The following NKAIN3 variants were observed in gnomAD, a reference collection of about 807,000 sequenced individuals.
The protein encoded by NKAIN3 is sodium/potassium transporting ATPase interacting 3.
In NKAIN3, 25 loss-of-function variants were observed where a neutral mutation model predicts 30.2. The observed-to-expected ratio is 0.83, with a 90% confidence interval of 0.60 to 1.16. The LOEUF (loss-of-function observed/expected upper bound fraction) is 1.16, where lower values mean the gene tolerates loss of function less well. NKAIN3 is among the 50% of genes most tolerant of loss of function. The pLI is 0.00. For synonymous variants in NKAIN3, 91 were observed against 89.6 expected (o/e 1.02, Z -0.09); for missense variants, 225 against 254.1 (o/e 0.89, Z 0.78).
intron 4 of NKAIN3, among the ~76,000 whole-genome samples, chr8:62,793,229 A>G (rs1193978136): frequency 6.6e-6 from 1 of 152,000 alleles, no homozygotes; most frequent in East Asian, 1.9e-4. Flanking sequence ...AAGTCCAAGA[A>G]CAAGAGTTGG....
At chr8:62,375,371 T>A (rs1393424433) in intron 1 of NKAIN3, among the ~76,000 whole-genome samples, 1 of 152,276 alleles carries the variant, frequency 6.6e-6, no homozygotes, top group East Asian at 1.9e-4. Context: ...TGAAACCCAC[T>A]GATAGCACAC....
At chr8:62,582,582 C>A (rs762731516) in intron 2 of NKAIN3, among the ~76,000 whole-genome samples, 1 of 151,900 alleles carries the variant, frequency 6.6e-6, no homozygotes, top group Non-Finnish European at 1.5e-5. Flanking sequence ...AGTGAGTCCA[C>A]AAGGGAACAA....
At chr8:62,676,354 G>GT (rs1813474145) in intron 3 of NKAIN3, among the ~76,000 whole-genome samples, 2 of 152,196 alleles carry the variant, frequency 1.3e-5, no homozygotes, top group Admixed American at 6.5e-5. Flanking sequence ...GGATCACGAG[G>GT]TTAGGAGGTC....
At chr8:62,713,623 T>C (rs571635521) in intron 3 of NKAIN3, among the ~76,000 whole-genome samples, 6 of 152,338 alleles carry the variant, frequency 3.9e-5, no homozygotes, top group Admixed American at 1.3e-4. Flanking sequence ...TATTATAAAC[T>C]GGACATCATT....
chr8:62,630,991 C>T (rs1339393389), intron 3 of NKAIN3, among the ~76,000 whole-genome samples: 5 of 152,090 alleles, frequency 3.3e-5, no homozygotes, highest in African/African-American at 4.8e-5. Flanking sequence ...AAGAGAAATA[C>T]GTTTTTACTG....
rs558885763 is a variant in NKAIN3, at chr8:62,688,051, C to T, written c.274-58881C>T. Reference sequence around the variant, plus strand: ...AGTTGGGAGGAACATTAGAAGTTTCCAAATTCAACCTCTTTTCCTATCTTC... The same window carrying T: ...AGTTGGGAGGAACATTAGAAGTTTCTAAATTCAACCTCTTTTCCTATCTTC... On this transcript the variant is annotated intron_variant, in intron 3 of 6. Coordinates refer to ENST00000623646, the MANE Select transcript of NKAIN3 (RefSeq NM_001304533.3). Among the ~76,000 whole-genome samples the T allele has an allele frequency of 3.3e-5, 5 of 152,316 alleles. No individual in the cohort carries two copies. The South Asian group carries it at 1.0e-3, about 32-fold the overall frequency.
At chr8:62,308,888 G>A (rs563200628) in intron 1 of NKAIN3, among the ~76,000 whole-genome samples, 24 of 149,986 alleles carry the variant, frequency 1.6e-4, no homozygotes, top group Non-Finnish European at 2.9e-4. Flanking sequence ...ATTGACCAAC[G>A]GGAGATCTAC....
intron 4 of NKAIN3, among the ~76,000 whole-genome samples, chr8:62,835,649 TA>T: frequency 6.6e-6 from 1 of 152,250 alleles, no homozygotes; most frequent in East Asian, 1.9e-4. Context: ...AGATACATCC[TA>T]CCCTAGTCGC....
chr8:62,409,219 T>C (rs1281289671), intron 1 of NKAIN3, among the ~76,000 whole-genome samples: 2 of 152,156 alleles, frequency 1.3e-5, no homozygotes, highest in Non-Finnish European at 2.9e-5. Context: ...AGTTTCGCTC[T>C]TGTTGCCCAG....
At chr8:62,590,299 G>A (rs559240248) in intron 3 of NKAIN3, among the ~76,000 whole-genome samples, 2 of 151,780 alleles carry the variant, frequency 1.3e-5, no homozygotes, top group Non-Finnish European at 2.9e-5. Flanking sequence ...ATGCATCAGC[G>A]TGGTGATTCC....
At chr8:62,289,958 AT>A (rs1472135357) in intron 1 of NKAIN3, among the ~76,000 whole-genome samples, 13 of 152,124 alleles carry the variant, frequency 8.5e-5, no homozygotes, top group African/African-American at 2.9e-4. Context: ...GGTCCTTCAC[AT>A]CCCTTGTAAG....
Position 62,972,925 on chromosome 8 carries a change from G to A in NKAIN3, c.*7518G>A, listed in dbSNP as rs1265484309. Among the ~76,000 whole-genome samples, 1 of 144,988 alleles carries A rather than the reference G, an allele frequency of 6.9e-6. No individual in the cohort carries two copies. Among genetic ancestry groups the A allele is most frequent in the East Asian group, 2.0e-4 (1 of 5,058 alleles). ...CCACTTAAGAGTAAGAATATGCAGT[G>A]TTTGTTTTTTGTTCCTGTGTTAGTT... On this transcript the variant is annotated 3_prime_UTR_variant, in exon 7 of 7. Transcript: ENST00000623646.
chr8:62,473,822 G>GATA (rs1248260423), intron 1 of NKAIN3: 24 of 152,184 alleles, frequency 1.6e-4, no homozygotes, highest in African/African-American at 5.8e-4. Flanking sequence ...CTTTCCCAGG[G>GATA]ATACAGTTAG....
At chr8:62,694,157 C>T (rs929449786) in intron 3 of NKAIN3, among the ~76,000 whole-genome samples, 19 of 152,096 alleles carry the variant, frequency 1.2e-4, no homozygotes, top group Admixed American at 1.2e-3. Context: ...TTCTACTATA[C>T]TATCAACTCC....
intron 1 of NKAIN3, among the ~76,000 whole-genome samples, chr8:62,396,147 G>C (rs1189494646): frequency 6.6e-6 from 1 of 152,156 alleles, no homozygotes; most frequent in African/African-American, 2.4e-5. Context: ...TGTTAATTAT[G>C]TCTCTCTCAC....
At chr8:62,630,692 CT>C (rs1811929701) in intron 3 of NKAIN3, among the ~76,000 whole-genome samples, 1 of 152,102 alleles carries the variant, frequency 6.6e-6, no homozygotes, top group South Asian at 2.1e-4. Context: ...GCAAACATTG[CT>C]TGTTATTTCA....
chr8:62,503,716 A>T (rs182130803), intron 1 of NKAIN3, among the ~76,000 whole-genome samples: 2 of 152,106 alleles, frequency 1.3e-5, no homozygotes, highest in East Asian at 1.9e-4. Flanking sequence ...TTCTACTTGC[A>T]TGTCCATTTA....
intron 1 of NKAIN3, among the ~76,000 whole-genome samples, chr8:62,487,753 A>G (rs1164731723): frequency 6.6e-6 from 1 of 152,204 alleles, no homozygotes; most frequent in Non-Finnish European, 1.5e-5. Flanking sequence ...TCCCATTATC[A>G]CCACACATCT....
In NKAIN3 at chr8:62,746,931, G is replaced by A; in HGVS notation, c.274-1G>A. 6.3e-7 allele frequency: 1 copy of A among 1,594,864 alleles called. No homozygotes were observed. Among genetic ancestry groups the A allele is most frequent in the Non-Finnish European group, 8.6e-7 (1 of 1,164,456 alleles). ...TGCTCTTTTGTCTCCTACCCACCTA[G>A]GACACCGATCTAATGACATTCAATA... On this transcript the variant is annotated splice_acceptor_variant, in intron 3 of 6. Coordinates refer to ENST00000623646, the MANE Select transcript of NKAIN3 (RefSeq NM_001304533.3). LOFTEE classifies it high-confidence loss of function.
Sources: gnomAD v4.1 joint callset for allele counts (sites outside exome capture counted in the v4.1 genomes callset) on GRCh38, gnomAD v4.1.1 for gene constraint, MANE v1.5 for transcripts, NCBI Gene and HGNC (gene_info 2026-07-23, HGNC 2026-07-21) for gene names.